TEX36: variants seen among roughly 807,000 people sequenced by gnomAD.
The protein encoded by TEX36 is testis-expressed protein 36.
TEX36 carries 12 observed loss-of-function variants against 13.6 expected under a neutral mutation model. The observed-to-expected ratio is 0.88, with a 90% CI of 0.56 to 1.43. The LOEUF is 1.43. Among genes scored for constraint, TEX36 ranks in the 40% most tolerant of loss-of-function variants. The pLI is 0.00. For missense variants in TEX36, 224 were observed against 228.3 expected, an observed-to-expected ratio of 0.98 and a Z score of 0.12; for synonymous variants, 93 against 83.0, an observed-to-expected ratio of 1.12 and a Z score of -0.65.
intron 3 of TEX36, among the ~76,000 whole-genome samples, chr10:125,642,022 T>C (rs1589768342): frequency 6.6e-6 from 1 of 152,240 alleles, no homozygotes; most frequent in Non-Finnish European, 1.5e-5. Flanking sequence ...CTCCACATAA[T>C]TGCAGATTTG....
chr10:125,600,222 CTA>C (rs1262653404), intron 3 of TEX36, among the ~76,000 whole-genome samples: 2 of 152,146 alleles, frequency 1.3e-5, no homozygotes, highest in African/African-American at 2.4e-5. Context: ...CATGAGAAAA[CTA>C]AAATTTTGGA....
At chr10:125,667,292 T>C in intron 1 of TEX36, 2 of 631,024 alleles carry the variant, frequency 3.2e-6, no homozygotes, top group South Asian at 2.9e-5. Context: ...ATAGATGTGT[T>C]GATCACTCAG....
chr10:125,619,598 T>A (rs1447853277), downstream of TEX36, among the ~76,000 whole-genome samples: 1 of 152,220 alleles, frequency 6.6e-6, no homozygotes, highest in Non-Finnish European at 1.5e-5. Context: ...TAGCCCACGC[T>A]GGAGTGCAGT....
chr10:125,646,251 C>T (rs141661017), intron 3 of TEX36, among the ~76,000 whole-genome samples: 38 of 152,084 alleles, frequency 2.5e-4, no homozygotes, highest in African/African-American at 7.7e-4. Flanking sequence ...ACTTGAACCC[C>T]GGAGGTCAAG....
chr10:125,628,023 C>T (rs116782980), intron 3 of TEX36, among the ~76,000 whole-genome samples: 191 of 152,180 alleles, frequency 1.3e-3, no homozygotes, highest in African/African-American at 3.9e-3. Context: ...TTTAGTATGC[C>T]TACACTCACT....
At chr10:125,627,323 T>G (rs905880347) in intron 3 of TEX36, among the ~76,000 whole-genome samples, 7 of 152,200 alleles carry the variant, frequency 4.6e-5, no homozygotes, top group African/African-American at 1.4e-4. Flanking sequence ...TGAAAATATA[T>G]CTTGGCTATT....
intron 3 of TEX36, among the ~76,000 whole-genome samples, chr10:125,658,450 C>T (rs748324700): frequency 6.6e-6 from 1 of 151,922 alleles, no homozygotes; most frequent in Non-Finnish European, 1.5e-5. Context: ...CAAGAATAAT[C>T]TTAGAAGCAG....
intron 3 of TEX36, among the ~76,000 whole-genome samples, chr10:125,659,002 G>A (rs934291647): frequency 1.1e-4 from 17 of 151,928 alleles, no homozygotes; most frequent in African/African-American, 2.9e-4. Flanking sequence ...ATGTTATACC[G>A]TACATTTGAA....
chr10:125,601,612 A>G (rs1451313594), intron 3 of TEX36, among the ~76,000 whole-genome samples: 1 of 152,230 alleles, frequency 6.6e-6, no homozygotes, highest in Non-Finnish European at 1.5e-5. Context: ...AGCTTGGTTT[A>G]GAAAGTTTGG....
At chr10:125,673,662 A>G (rs1230581824) in intron 1 of TEX36, among the ~76,000 whole-genome samples, 1 of 149,534 alleles carries the variant, frequency 6.7e-6, no homozygotes, top group Non-Finnish European at 1.5e-5. Context: ...GTGAGCCAAG[A>G]TCACACTATT....
chr10:125,645,045 C>T (rs1339144992), intron 3 of TEX36, among the ~76,000 whole-genome samples: 1 of 152,186 alleles, frequency 6.6e-6, no homozygotes, highest in Non-Finnish European at 1.5e-5. Context: ...GCCACAACCA[C>T]ACAAACATGA....
At chr10:125,620,477 A>C (rs1338195487), downstream of TEX36, among the ~76,000 whole-genome samples, 1 of 152,122 alleles carries the variant, frequency 6.6e-6, no homozygotes, top group Non-Finnish European at 1.5e-5. Flanking sequence ...TTCAGTGAAG[A>C]TGTGTTGAGC....
At position 125,606,959 on chromosome 10, in the gene TEX36, C is replaced by T. The variant is rs986123827; in HGVS notation, c.265-30085G>A. 7.9e-5 allele frequency among the ~76,000 whole-genome samples: 12 copies of T among 152,192 alleles called. 1 individual carries two copies. The highest frequency in any genetic ancestry group is 5.2e-4 in the Admixed American group (8 of 15,278). ...CAACCTTGACAACGTACACATAAAG[C>T]GCCCAACTGGATGCGAACTTTGATT... On this transcript the variant is annotated intron_variant, in intron 3 of 3. Transcript: ENST00000532135.
At chr10:125,667,424 C>T in intron 1 of TEX36, 1 of 677,014 alleles carries the variant, frequency 1.5e-6, no homozygotes, top group Non-Finnish European at 2.8e-6. Context: ...CTAGCAGATG[C>T]TGGCATGACA....
intron 3 of TEX36, among the ~76,000 whole-genome samples, chr10:125,582,979 C>A (rs7096815): frequency 0.22 from 33,617 of 152,056 alleles, 5,587 homozygotes; most frequent in African/African-American, 0.47. Flanking sequence ...AAGAACAACA[C>A]TGAGTCATGT....
intron 3 of TEX36, among the ~76,000 whole-genome samples, chr10:125,626,036 C>T (rs1297146397): frequency 6.6e-6 from 1 of 152,210 alleles, no homozygotes; most frequent in East Asian, 1.9e-4. Context: ...AACGACCTCA[C>T]CCAAGGTTAC....
intron 3 of TEX36, among the ~76,000 whole-genome samples, chr10:125,578,035 A>C (rs1376587055): frequency 8.5e-5 from 13 of 152,074 alleles, no homozygotes; most frequent in Non-Finnish European, 8.8e-5. Context: ...CACTAAATTT[A>C]TTTTTCCCCA....
At chr10:125,586,134 T>G (rs1462726914) in intron 3 of TEX36, among the ~76,000 whole-genome samples, 1 of 152,242 alleles carries the variant, frequency 6.6e-6, no homozygotes, top group African/African-American at 2.4e-5. Flanking sequence ...CACAAGTTTG[T>G]GTCCTATACA....
chr10:125,578,212 TGAG>T (rs1439626981), intron 3 of TEX36: 2 of 152,172 alleles, frequency 1.3e-5, no homozygotes, highest in African/African-American at 2.4e-5. Context: ...CTGCTTCAGG[TGAG>T]GAGAAGATGC....
Sources: gnomAD v4.1 joint callset for allele counts (sites outside exome capture counted in the v4.1 genomes callset) on GRCh38, gnomAD v4.1.1 for gene constraint, MANE v1.5 for transcripts, NCBI Gene and HGNC (gene_info 2026-07-23, HGNC 2026-07-21) for gene names.